C1QTNF3: variants seen among roughly 807,000 people sequenced by gnomAD.
The protein encoded by C1QTNF3 is complement C1q tumor necrosis factor-related protein 3.
C1QTNF3 carries 26 observed loss-of-function variants against 32.6 expected under a neutral mutation model. The observed-to-expected ratio is 0.80, with a 90% CI of 0.58 to 1.11. The LOEUF is 1.11. Among genes scored for constraint, C1QTNF3 ranks in the 50% least tolerant of loss-of-function variants. The pLI is 0.00. For synonymous variants in C1QTNF3, 155 were observed against 146.0 expected, an observed-to-expected ratio of 1.06 and a Z score of -0.44; for missense variants, 362 against 398.2, an observed-to-expected ratio of 0.91 and a Z score of 0.77.
chr5:34,205,078 A>C, the C1QTNF3 span, among the ~76,000 whole-genome samples: 1 of 138,838 alleles, frequency 7.2e-6, no homozygotes, highest in Non-Finnish European at 1.5e-5. Context: ...ATGAAAGGCA[A>C]AAGAAACTTG....
the C1QTNF3 span, among the ~76,000 whole-genome samples, chr5:34,223,497 T>A: frequency 6.6e-6 from 1 of 151,000 alleles, no homozygotes; most frequent in African/African-American, 2.4e-5. Flanking sequence ...CATGTGTCTT[T>A]ATAGCAGCAT....
chr5:34,041,153 G>A (rs771228546), intron 1 of C1QTNF3, among the ~76,000 whole-genome samples: 2 of 152,168 alleles, frequency 1.3e-5, no homozygotes. Flanking sequence ...GAGGGACAGG[G>A]GAAGTAGGGA....
At chr5:34,058,964 C>T in the C1QTNF3 span, among the ~76,000 whole-genome samples, 16 of 152,216 alleles carry the variant, frequency 1.1e-4, no homozygotes, top group African/African-American at 2.6e-4. Flanking sequence ...GAGGTCAAGA[C>T]GAGAAACAGA....
At chr5:34,038,015 A>G (rs1754782912) in intron 1 of C1QTNF3, among the ~76,000 whole-genome samples, 1 of 152,220 alleles carries the variant, frequency 6.6e-6, no homozygotes, top group Admixed American at 6.5e-5. Flanking sequence ...TAGGAATGGA[A>G]TGGAAATACT....
the C1QTNF3 span, among the ~76,000 whole-genome samples, chr5:34,176,854 C>CGAA: frequency 1.7e-4 from 15 of 88,522 alleles, no homozygotes; most frequent in South Asian, 4.4e-3. Context: ...AAGACCCTAT[C>CGAA]TCATGAATGA....
chr5:34,089,473 C>A, the C1QTNF3 span, among the ~76,000 whole-genome samples: 6 of 152,158 alleles, frequency 3.9e-5, no homozygotes, highest in Non-Finnish European at 8.8e-5. Context: ...GAGAGCTACC[C>A]TGCCCCTTGC....
chr5:34,027,214 A>ATGT (rs1183205034), intron 4 of C1QTNF3, among the ~76,000 whole-genome samples: 2 of 152,238 alleles, frequency 1.3e-5, no homozygotes, highest in Non-Finnish European at 2.9e-5. Flanking sequence ...ACTATCCAGA[A>ATGT]ACTTGAAAGC....
At chr5:34,023,634 G>A (rs1290455998) in intron 5 of C1QTNF3, among the ~76,000 whole-genome samples, 2 of 152,170 alleles carry the variant, frequency 1.3e-5, no homozygotes, top group African/African-American at 2.4e-5. Context: ...GAAAAATAAT[G>A]AGTTATAAAA....
the C1QTNF3 span, among the ~76,000 whole-genome samples, chr5:34,058,118 C>G: frequency 6.6e-6 from 1 of 152,172 alleles, no homozygotes; most frequent in African/African-American, 2.4e-5. Flanking sequence ...GCACGAAGAA[C>G]AGCAGCAAAT....
At chr5:34,112,547 T>C in the C1QTNF3 span, among the ~76,000 whole-genome samples, 1 of 151,004 alleles carries the variant, frequency 6.6e-6, no homozygotes, top group Non-Finnish European at 1.5e-5. Flanking sequence ...TACATGACTG[T>C]AGGCCTAGCT....
chr5:34,051,848 G>A, the C1QTNF3 span, among the ~76,000 whole-genome samples: 1 of 152,220 alleles, frequency 6.6e-6, no homozygotes, highest in African/African-American at 2.4e-5. Flanking sequence ...CATTCAGTGA[G>A]ATCATCCTAC....
the C1QTNF3 span, among the ~76,000 whole-genome samples, chr5:34,067,260 C>T: frequency 1.4e-4 from 22 of 152,336 alleles, no homozygotes; most frequent in African/African-American, 5.3e-4. Flanking sequence ...CCAACTGTTT[C>T]ACCCTCTATC....
chr5:34,177,633 C>A, the C1QTNF3 span, among the ~76,000 whole-genome samples: 3 of 151,956 alleles, frequency 2.0e-5, no homozygotes, highest in Admixed American at 6.6e-5. Context: ...ATTACAGGTA[C>A]ATGCCACCAC....
chr5:34,189,686 T>C, the C1QTNF3 span, among the ~76,000 whole-genome samples: 11 of 152,422 alleles, frequency 7.2e-5, no homozygotes, highest in African/African-American at 2.6e-4. Context: ...CCAGGAGCGG[T>C]TACCCGGGCA....
chr5:34,100,884 A>G, the C1QTNF3 span, among the ~76,000 whole-genome samples: 1 of 151,678 alleles, frequency 6.6e-6, no homozygotes, highest in East Asian at 1.9e-4. Context: ...TTTGAGCCTA[A>G]CAAGTCCATT....
chr5:34,040,094 T>C (rs1210175312), intron 1 of C1QTNF3, among the ~76,000 whole-genome samples: 1 of 152,234 alleles, frequency 6.6e-6, no homozygotes, highest in Admixed American at 6.5e-5. Flanking sequence ...TTGTTGGAAC[T>C]CTTAGAACAA....
At chr5:34,030,101 G>T (rs1056389521) in intron 3 of C1QTNF3, among the ~76,000 whole-genome samples, 2 of 152,142 alleles carry the variant, frequency 1.3e-5, no homozygotes, top group Non-Finnish European at 1.5e-5. Flanking sequence ...ACTAAAATTA[G>T]CAATCTTTTT....
the C1QTNF3 span, among the ~76,000 whole-genome samples, chr5:34,131,277 G>A: frequency 6.6e-6 from 1 of 151,362 alleles, no homozygotes; most frequent in African/African-American, 2.4e-5. Context: ...AAACTCCCAA[G>A]ATATAGTGTG....
the C1QTNF3 span, among the ~76,000 whole-genome samples, chr5:34,052,628 T>G: frequency 6.6e-6 from 1 of 152,226 alleles, no homozygotes; most frequent in Non-Finnish European, 1.5e-5. Flanking sequence ...TCATGATATC[T>G]ATCTTACATG....
Sources: gnomAD v4.1 joint callset for allele counts (sites outside exome capture counted in the v4.1 genomes callset) on GRCh38, gnomAD v4.1.1 for gene constraint, MANE v1.5 for transcripts, NCBI Gene and HGNC (gene_info 2026-07-23, HGNC 2026-07-21) for gene names.